The following PLA2G6 variants were observed in gnomAD, a reference collection of about 807,000 sequenced individuals.
PLA2G6 encodes 85/88 kDa calcium-independent phospholipase A2.
Under a neutral mutation model 83.8 loss-of-function variants are expected in PLA2G6, and 62 were observed. The observed-to-expected ratio is 0.74, with a 90% CI of 0.60 to 0.91. The LOEUF (loss-of-function observed/expected upper bound fraction) is 0.91, where lower values mean the gene tolerates loss of function less well. PLA2G6 is among the 40% of genes least tolerant of loss of function. The probability of loss-of-function intolerance (pLI) is 0.00; values close to 1 mark genes in which losing one functional copy is unlikely to be tolerated. For synonymous variants in PLA2G6, 417 were observed against 449.8 expected (o/e 0.93, Z 0.92); for missense variants, 944 against 1,102.0 (o/e 0.86, Z 2.03).
At chr22:38,115,897 C>A (rs2087161869) in intron 13 of PLA2G6, 178 bp downstream of exon 13, 2 of 1,471,012 alleles carry the variant, frequency 1.4e-6, no homozygotes, top group Non-Finnish European at 9.1e-7. Context: ...ACTTTTCTAA[C>A]CTGCCAGGGG....
chr22:38,170,516 T>C (rs144536258), intron 1 of PLA2G6, among the ~76,000 whole-genome samples: 85 of 152,248 alleles, frequency 5.6e-4, no homozygotes, highest in African/African-American at 1.7e-3. Flanking sequence ...TTACGCTGCA[T>C]ATTCAGAGTC....
chr22:38,112,284 C>T lies in PLA2G6; in HGVS notation c.2298G>A (p.Thr766=), dbSNP rs766616183. Residue 766 remains threonine, a synonymous_variant, in exon 17 of 17, where the codon ACG becomes ACA. Transcript: ENST00000332509. ...CACTGACCTCATCCAGCATGATGTC[C>T]GTCCCCAGCTGGGGGTTCAATCTGT... ...QYFRLNPQLG[T]DIMLDEVSDT... 6 of 1,613,514 alleles carry T rather than the reference C, an allele frequency of 3.7e-6. No individual in the cohort carries two copies. The highest frequency in any genetic ancestry group is 3.3e-5 in the South Asian group (3 of 91,008).
rs2088074617 is a variant in PLA2G6 at position 38,129,471 on chromosome 22, G to A, written c.1169C>T (p.Ala390Val). 1 of 1,612,262 alleles carries A rather than the reference G, an allele frequency of 6.2e-7. No homozygotes were observed. ...NDFGETPTFLASKIGRLVTRK... is the reference protein window; with the variant it reads ...NDFGETPTFLVSKIGRLVTRK... ...GCACATACGTCTGCCGATTTTGGAG[G>A]CTAGGAATGTAGGAGTCTCCCCAAA... The change falls in exon 8 of 17, where the codon GCC becomes GTC. Residue 390 changes from alanine (A) to valine (V), a missense_variant. By Grantham distance (64) the Ala-to-Val change is moderately conservative. Transcript: ENST00000332509.
rs11570669 is a variant in PLA2G6, at chr22:38,134,706, G to A, written c.894+282C>T. On this transcript the variant is annotated intron_variant, in intron 6 of 16. Coordinates refer to ENST00000332509, the MANE Select transcript of PLA2G6 (RefSeq NM_003560.4). ...TGGGAAGCACTTTACAATTTGTGCC[G>A]AGTTTTGTCACACACTGCCTTGCTG... The A allele has an allele frequency of 7.5e-3, 3,467 of 460,470 alleles. 31 individuals are homozygous for A. The highest frequency in any genetic ancestry group is 0.024 in the African/African-American group (1,236 of 51,274). The allele number at this position is 460,470 out of a possible 1,614,324, so 28.5% of individuals were successfully genotyped here.
At chr22:38,168,958 T>C (rs960601561) in intron 2 of PLA2G6, among the ~76,000 whole-genome samples, 2 of 152,118 alleles carry the variant, frequency 1.3e-5, no homozygotes, top group Non-Finnish European at 2.9e-5. Flanking sequence ...CTTCCCTTTG[T>C]CCATATAGGT....
At chr22:38,175,424 T>C (rs1039337010) in intron 1 of PLA2G6, among the ~76,000 whole-genome samples, 2 of 152,022 alleles carry the variant, frequency 1.3e-5, no homozygotes, top group African/African-American at 2.4e-5. Flanking sequence ...CCAGCATCCA[T>C]GAGAGCTGGC....
rs201051329 is a variant in PLA2G6 at position 38,116,033 on chromosome 22, G to A, written c.1879+42C>T. 124 of 1,609,334 alleles carry A rather than the reference G, an allele frequency of 7.7e-5. No individual in the cohort carries two copies. In the East Asian group the frequency reaches 1.7e-3, roughly 22 times the overall value. ...CCCACCCACCACCCCACAGCCTCTC[G>A]GGCCAGTCGCTTCCCATGGATGCAT... On this transcript the variant is annotated intron_variant, in intron 13 of 16. Transcript: ENST00000332509.
chr22:38,123,029 A>C lies in PLA2G6; in HGVS notation c.1591+66T>G. 6.8e-7 allele frequency: 1 copy of C among 1,460,534 alleles called. No homozygotes were observed. The highest frequency in any genetic ancestry group is 9.3e-7 in the Non-Finnish European group (1 of 1,075,232). The allele number at this position is 1,460,534 out of a possible 1,614,324, so 90.5% of individuals were successfully genotyped here. On this transcript the variant is annotated intron_variant, in intron 11 of 16. Transcript: ENST00000332509. The surrounding 1 kb of genome is among the most constrained non-coding windows in gnomAD (Gnocchi z 4.1). ...TCTCTTTTTGCAAAGCCCTGAAGAC[A>C]AACTCGGCCCCTTGAGGACACAGGT...
chr22:38,146,606 T>C (rs5756926), intron 2 of PLA2G6: 51,128 of 151,972 alleles, frequency 0.34, 8,860 homozygotes, highest in South Asian at 0.42. Flanking sequence ...ATGTGAGAGC[T>C]CCAGCCTCGA....
chr22:38,174,619 T>C (rs1032070036), intron 1 of PLA2G6, among the ~76,000 whole-genome samples: 3 of 152,158 alleles, frequency 2.0e-5, no homozygotes, highest in African/African-American at 7.2e-5. Flanking sequence ...AGCTGAACTT[T>C]CCAGGAAGAA....
rs1161368639 is a variant in PLA2G6 at position 38,145,560 on chromosome 22, G to A, written c.303C>T (p.Val101=). Residue 101 remains valine (V), a synonymous_variant, in exon 3 of 17, where the codon GTC becomes GTT. Coordinates refer to ENST00000332509, the MANE Select transcript of PLA2G6 (RefSeq NM_003560.4). ...LLPFYESSPQ[V]LHTEVLQHLT... is the part of the protein sequence containing the mutation. Reference sequence around the variant, plus strand: ...GGTGCTGCAGGACCTCAGTGTGCAGGACCTGAGGGGAGCTCTCATAGAAGG... The same window carrying A: ...GGTGCTGCAGGACCTCAGTGTGCAGAACCTGAGGGGAGCTCTCATAGAAGG... 23 of 1,613,030 alleles carry A rather than the reference G, an allele frequency of 1.4e-5. No homozygotes were observed. The highest frequency in any genetic ancestry group is 1.9e-5 in the Non-Finnish European group (22 of 1,179,210).
In PLA2G6 at chr22:38,178,872, A is replaced by C. The variant is rs568190417; in HGVS notation, c.-46+2792T>G. ...CAGAGTGAGACCCTGTCTCAAAACC[A>C]AAACAACCAACCAACCAAAAAAAAC... On this transcript the variant is annotated intron_variant, in intron 1 of 16. Transcript: ENST00000332509. Among the ~76,000 whole-genome samples, 12 of 151,234 alleles carry C rather than the reference A, an allele frequency of 7.9e-5. 1 individual carries two copies. The highest frequency in any genetic ancestry group is 2.9e-4 in the African/African-American group (12 of 41,080).
At chr22:38,155,182 G>A (rs975328627) in intron 2 of PLA2G6, among the ~76,000 whole-genome samples, 30 of 151,504 alleles carry the variant, frequency 2.0e-4, no homozygotes, top group Admixed American at 2.6e-4. Flanking sequence ...AGCGGAAATC[G>A]CGCCACTGCA....
chr22:38,113,382 C>A, intron 15 of PLA2G6, 105 bp downstream of exon 15: 6 of 1,104,702 alleles, frequency 5.4e-6, no homozygotes, highest in Non-Finnish European at 8.3e-6. Context: ...TGGACAGAGC[C>A]CTGCTGTCTC....
intron 14 of PLA2G6, among the ~76,000 whole-genome samples, chr22:38,114,260 A>C (rs1332301170): frequency 6.6e-6 from 1 of 150,398 alleles, no homozygotes; most frequent in African/African-American, 2.5e-5. Context: ...GGCTCACTGC[A>C]AGCTCCGCCT....
chr22:38,117,086 G>A (rs577806074), intron 12 of PLA2G6, among the ~76,000 whole-genome samples: 16 of 144,902 alleles, frequency 1.1e-4, no homozygotes, highest in Middle Eastern at 3.6e-3. Flanking sequence ...TTACTATCAA[G>A]TTCTACCATA....
In PLA2G6 at chr22:38,113,476, C is replaced by G; in HGVS notation, c.2202+11G>C. Reference sequence around the variant, plus strand: ...TGAGGGAAGTGGCCTGGGGGAGGGGCCCACACTCACACAGTCCACCACCAT... The same window carrying G: ...TGAGGGAAGTGGCCTGGGGGAGGGGGCCACACTCACACAGTCCACCACCAT... On this transcript the variant is annotated intron_variant, in intron 15 of 16. Coordinates refer to ENST00000332509, the MANE Select transcript of PLA2G6 (RefSeq NM_003560.4). The G allele has an allele frequency of 6.2e-7, 1 of 1,613,470 alleles. No individual in the cohort carries two copies.
intron 1 of PLA2G6, among the ~76,000 whole-genome samples, chr22:38,170,381 G>C (rs2090391953): frequency 6.6e-6 from 1 of 151,972 alleles, no homozygotes; most frequent in African/African-American, 2.4e-5. Context: ...AGAGCTCCGA[G>C]AGACAGCACA....
chr22:38,138,003 C>G (rs1187781638), intron 5 of PLA2G6: 1 of 152,248 alleles, frequency 6.6e-6, no homozygotes, highest in Non-Finnish European at 1.5e-5. Context: ...AAGGTAGGAG[C>G]CTCTTCCTTT....
Sources: allele counts gnomAD v4.1 joint callset (sites outside exome capture counted in the v4.1 genomes callset), GRCh38; gene constraint gnomAD v4.1.1; non-coding constraint Gnocchi (gnomAD v3.1); transcripts MANE v1.5; gene names NCBI Gene and HGNC (gene_info 2026-07-23, HGNC 2026-07-21).